Variants in PRORP observed in about 807,000 individuals in gnomAD.
The protein encoded by PRORP is protein only RNase P catalytic subunit.
In PRORP, 51 loss-of-function variants were observed where a neutral mutation model predicts 59.4. The observed-to-expected ratio is 0.86, with a 90% CI of 0.69 to 1.08. The LOEUF (loss-of-function observed/expected upper bound fraction) is 1.08. Ranked by LOEUF, PRORP falls within the 50% of genes least tolerant of loss-of-function variation. The pLI is 0.00. For synonymous variants in PRORP, 231 were observed against 245.6 expected, an observed-to-expected ratio of 0.94 and a Z score of 0.55; for missense variants, 646 against 690.3, an observed-to-expected ratio of 0.94 and a Z score of 0.72.
At chr14:35,152,836 G>A (rs555322826) in intron 4 of PRORP, among the ~76,000 whole-genome samples, 9 of 151,966 alleles carry the variant, frequency 5.9e-5, no homozygotes, top group African/African-American at 1.9e-4. Context: ...GACGGTGGGC[G>A]GCCGGACAGA....
chr14:35,163,908 A>G (rs1368076274), intron 4 of PRORP, among the ~76,000 whole-genome samples: 2 of 152,202 alleles, frequency 1.3e-5, no homozygotes, highest in African/African-American at 2.4e-5. Context: ...TTGAGGGTAT[A>G]CATTTAAATC....
intron 2 of PRORP, among the ~76,000 whole-genome samples, chr14:35,125,884 C>T (rs867314345): frequency 6.6e-6 from 1 of 151,990 alleles, no homozygotes; most frequent in Non-Finnish European, 1.5e-5. Flanking sequence ...CTTGGCATGG[C>T]GGTGTGTGCC....
At chr14:35,268,205 G>A (rs1445100086) in intron 6 of PRORP, among the ~76,000 whole-genome samples, 2 of 151,992 alleles carry the variant, frequency 1.3e-5, no homozygotes, top group African/African-American at 4.8e-5. Flanking sequence ...TTAGCCAGAT[G>A]TGGTGGCACA....
At chr14:35,190,806 T>C (rs1024254322) in intron 5 of PRORP, among the ~76,000 whole-genome samples, 5 of 152,192 alleles carry the variant, frequency 3.3e-5, no homozygotes, top group Admixed American at 3.3e-4. Flanking sequence ...CCCGGCTGAC[T>C]GTATTTAAAA....
chr14:35,201,962 A>C (rs893659186), intron 5 of PRORP, among the ~76,000 whole-genome samples: 3 of 139,518 alleles, frequency 2.2e-5, no homozygotes, highest in South Asian at 2.3e-4. Context: ...CCCGCCACAA[A>C]ATTATTATTA....
intron 5 of PRORP, among the ~76,000 whole-genome samples, chr14:35,204,825 T>C (rs962320128): frequency 2.0e-5 from 3 of 152,234 alleles, no homozygotes; most frequent in Non-Finnish European, 4.4e-5. Context: ...GTATTTCCAG[T>C]TGACTTATTC....
rs140889408 is a variant in PRORP at position 35,273,182 on chromosome 14, C to T, written c.1621-253C>T. On this transcript the variant is annotated intron_variant, in intron 7 of 7. Transcript: ENST00000534898. The stretch of plus-strand genomic sequence containing the variant: ...AAAACTGATAGAGCCAACAAAAGAA[C>T]GTCTGTATTACATAAATGTAATGCT... Among the ~76,000 whole-genome samples, 695 of 152,184 alleles carry T rather than the reference C, an allele frequency of 4.6e-3. 2 individuals carry two copies. The highest frequency in any genetic ancestry group is 7.2e-3 in the Non-Finnish European group (491 of 68,018).
chr14:35,214,664 T>C (rs1256230169), intron 5 of PRORP, among the ~76,000 whole-genome samples: 2 of 152,126 alleles, frequency 1.3e-5, no homozygotes, highest in Non-Finnish European at 2.9e-5. Context: ...CTCAACACTT[T>C]GTGAGGCTGA....
intron 5 of PRORP, among the ~76,000 whole-genome samples, chr14:35,261,136 A>T (rs1386365274): frequency 6.6e-6 from 1 of 152,200 alleles, no homozygotes; most frequent in East Asian, 1.9e-4. Context: ...TTGTCTGCAC[A>T]CATTGGCATT....
intron 4 of PRORP, among the ~76,000 whole-genome samples, chr14:35,169,343 T>A (rs1163936074): frequency 6.6e-6 from 1 of 152,128 alleles, no homozygotes; most frequent in East Asian, 1.9e-4. Context: ...TATGTGTGTA[T>A]CAGCAACTAT....
chr14:35,244,655 C>T (rs2050442188), intron 5 of PRORP, among the ~76,000 whole-genome samples: 1 of 152,078 alleles, frequency 6.6e-6, no homozygotes, highest in Admixed American at 6.6e-5. Flanking sequence ...TAAAATATAT[C>T]ATGTGTAAAG....
At chr14:35,210,822 T>C (rs1369255142) in intron 5 of PRORP, among the ~76,000 whole-genome samples, 1 of 133,970 alleles carries the variant, frequency 7.5e-6, no homozygotes, top group Non-Finnish European at 1.5e-5. Flanking sequence ...TGGAGTACAG[T>C]AGCATGAAAT....
At position 35,186,274 on chromosome 14, in the gene PRORP, T is replaced by C. The variant is rs893364702; in HGVS notation, c.1275+5497T>C. Among the ~76,000 whole-genome samples the C allele has an allele frequency of 1.2e-4, 18 of 151,754 alleles. 1 individual carries two copies. The highest frequency in any genetic ancestry group is 3.4e-3 in the Middle Eastern group (1 of 294). On this transcript the variant is annotated intron_variant, in intron 5 of 7. Transcript: ENST00000534898. ...TTGGGATTACAGGTATAAACCACCA[T>C]GCCGCCTAGATTTTGCTTTTGGCAC...
At chr14:35,213,137 G>A (rs1210086241) in intron 5 of PRORP, among the ~76,000 whole-genome samples, 1 of 152,122 alleles carries the variant, frequency 6.6e-6, no homozygotes, top group African/African-American at 2.4e-5. Flanking sequence ...GCCTTGCTCT[G>A]GATTACGTTT....
At chr14:35,138,043 G>C (rs1199855177) in intron 4 of PRORP, among the ~76,000 whole-genome samples, 1 of 145,774 alleles carries the variant, frequency 6.9e-6, no homozygotes, top group Non-Finnish European at 1.5e-5. Context: ...CACCATTCTG[G>C]ATTCTAGAAG....
chr14:35,128,388 T>G (rs2047151211), intron 4 of PRORP, among the ~76,000 whole-genome samples: 2 of 152,030 alleles, frequency 1.3e-5, no homozygotes, highest in Non-Finnish European at 2.9e-5. Context: ...CCCTCCTCTA[T>G]TTTTTGGAAT....
At chr14:35,162,887 T>C (rs1040160215) in intron 4 of PRORP, among the ~76,000 whole-genome samples, 23 of 152,156 alleles carry the variant, frequency 1.5e-4, no homozygotes, top group Non-Finnish European at 2.2e-4. Context: ...ACAACCCATA[T>C]TTTACCCCAC....
At chr14:35,263,095 G>T (rs1306779594) in intron 5 of PRORP, 1 of 1,196,762 alleles carries the variant, frequency 8.4e-7, no homozygotes, top group Non-Finnish European at 1.2e-6. Context: ...AGACCTATTT[G>T]TGATGTTTAA....
intron 5 of PRORP, among the ~76,000 whole-genome samples, chr14:35,243,790 G>T (rs1237735810): frequency 1.3e-5 from 2 of 152,016 alleles, no homozygotes; most frequent in East Asian, 3.9e-4. Flanking sequence ...GGTAATAATG[G>T]TACCAAATTC....
Sources: gnomAD v4.1 joint callset for allele counts (sites outside exome capture counted in the v4.1 genomes callset) on GRCh38, gnomAD v4.1.1 for gene constraint, MANE v1.5 for transcripts, NCBI Gene and HGNC (gene_info 2026-07-23, HGNC 2026-07-21) for gene names.